The following NXPH1 variants were observed in gnomAD, a reference collection of about 807,000 sequenced individuals.
NXPH1 encodes neurexophilin-1.
A neutral mutation model predicts 23.7 loss-of-function variants in NXPH1; 5 were observed. That is an observed-to-expected ratio of 0.21 (90% CI 0.11 to 0.44). The LOEUF (loss-of-function observed/expected upper bound fraction) is 0.44. NXPH1 is among the 20% of genes least tolerant of loss of function. NXPH1 has a pLI of 0.99. For missense variants in NXPH1, 324 were observed against 321.6 expected, an observed-to-expected ratio of 1.01 and a Z score of -0.06; for synonymous variants, 144 against 122.2, an observed-to-expected ratio of 1.18 and a Z score of -1.18.
rs148389678 is a variant in NXPH1, at chr7:8,469,013, C to T, written c.54+33246C>T. ...ACAATCTTGTTTTTAACTGAATGCT[C>T]ATGTTGAAATTCTTATTTTTAATTC... On this transcript the variant is annotated intron_variant, in intron 2 of 2. Transcript: ENST00000405863. 3.7e-3 allele frequency among the ~76,000 whole-genome samples: 564 copies of T among 151,906 alleles called. 3 individuals are homozygous for T. The highest frequency in any genetic ancestry group is 0.013 in the African/African-American group (527 of 41,482).
At chr7:8,745,001 G>A (rs1562472832) in intron 2 of NXPH1, among the ~76,000 whole-genome samples, 1 of 152,108 alleles carries the variant, frequency 6.6e-6, no homozygotes, top group Non-Finnish European at 1.5e-5. Context: ...CTAGAGCCAG[G>A]ATGACCTACT....
At position 8,462,406 on chromosome 7, in the gene NXPH1, T is replaced by G. The variant is rs144355059; in HGVS notation, c.54+26639T>G. Among the ~76,000 whole-genome samples the G allele has an allele frequency of 7.2e-5, 11 of 152,380 alleles. No individual in the cohort carries two copies. In the East Asian group the frequency reaches 2.1e-3, roughly 29 times the overall value. On this transcript the variant is annotated intron_variant, in intron 2 of 2. Transcript: ENST00000405863. The stretch of plus-strand genomic sequence containing the variant: ...AAGAACATATATGTGCTAGGCACTT[T>G]ACAAATGTTAACTCATTTAATCTAG...
intron 2 of NXPH1, among the ~76,000 whole-genome samples, chr7:8,737,329 G>A (rs539666883): frequency 6.6e-6 from 1 of 152,240 alleles, no homozygotes; most frequent in East Asian, 1.9e-4. Flanking sequence ...AGGCCTGGTG[G>A]TGACAAGATA....
intron 2 of NXPH1, among the ~76,000 whole-genome samples, chr7:8,585,958 A>T (rs187323447): frequency 2.0e-5 from 3 of 152,222 alleles, no homozygotes; most frequent in East Asian, 1.9e-4. Flanking sequence ...ATATTTTTCC[A>T]TGGGAATGTT....
intron 2 of NXPH1, among the ~76,000 whole-genome samples, chr7:8,459,134 T>C (rs913247592): frequency 3.3e-5 from 5 of 152,018 alleles, no homozygotes; most frequent in African/African-American, 9.7e-5. Context: ...AATGAACATC[T>C]TGGGTTGTCT....
intron 2 of NXPH1, among the ~76,000 whole-genome samples, chr7:8,693,961 A>G (rs867702564): frequency 2.0e-5 from 3 of 152,206 alleles, no homozygotes; most frequent in Admixed American, 6.5e-5. Flanking sequence ...TAATCATCCA[A>G]TGTATAATTT....
chr7:8,713,149 C>G (rs535931494), intron 2 of NXPH1, among the ~76,000 whole-genome samples: 1 of 151,612 alleles, frequency 6.6e-6, no homozygotes, highest in African/African-American at 2.4e-5. Context: ...TTTCTTTTGT[C>G]TCCTCTGACT....
intron 2 of NXPH1, among the ~76,000 whole-genome samples, chr7:8,470,621 C>A (rs572795596): frequency 1.3e-5 from 2 of 152,246 alleles, no homozygotes; most frequent in South Asian, 2.1e-4. Context: ...CAGACCTTTA[C>A]TGGAAGTTCA....
rs1346161492 is a variant in NXPH1 at position 8,745,597 on chromosome 7, GGC to G, written c.55-5410_55-5409del. 3.3e-5 allele frequency among the ~76,000 whole-genome samples: 5 copies of G among 152,122 alleles called. No homozygotes were observed. In the East Asian group the frequency reaches 7.7e-4, roughly 23 times the overall value. Reference sequence around the variant, plus strand: ...GAAACAGAGTCTTGCTCTGTCGCCAGGCTGGAGTGCAGTGGTGCAATCTTGGC... The same window carrying G: ...GAAACAGAGTCTTGCTCTGTCGCCAGTGGAGTGCAGTGGTGCAATCTTGGC... On this transcript the variant is annotated intron_variant, in intron 2 of 2. Coordinates refer to ENST00000405863, the MANE Select transcript of NXPH1 (RefSeq NM_152745.3).
chr7:8,660,755 T>A (rs539465299), intron 2 of NXPH1, among the ~76,000 whole-genome samples: 26 of 152,300 alleles, frequency 1.7e-4, no homozygotes, highest in Middle Eastern at 3.4e-3. Context: ...TCACAATCTT[T>A]CCAATAATAG....
intron 2 of NXPH1, among the ~76,000 whole-genome samples, chr7:8,457,059 A>G (rs1393953672): frequency 6.6e-6 from 1 of 152,210 alleles, no homozygotes; most frequent in Non-Finnish European, 1.5e-5. Flanking sequence ...TATGCTTGAT[A>G]CGAGGGTTTT....
chr7:8,618,910 T>C (rs141997921), intron 2 of NXPH1, among the ~76,000 whole-genome samples: 49 of 152,328 alleles, frequency 3.2e-4, no homozygotes, highest in Admixed American at 9.2e-4. Flanking sequence ...ACCCAGTTTT[T>C]TTCTCTTTTG....
chr7:8,574,595 A>T (rs1458478357), intron 2 of NXPH1, among the ~76,000 whole-genome samples: 1 of 152,152 alleles, frequency 6.6e-6, no homozygotes, highest in African/African-American at 2.4e-5. Flanking sequence ...GCCAAACAAC[A>T]CCACAGGTTG....
intron 2 of NXPH1, among the ~76,000 whole-genome samples, chr7:8,637,099 G>A (rs1041973538): frequency 6.6e-6 from 1 of 152,172 alleles, no homozygotes; most frequent in African/African-American, 2.4e-5. Flanking sequence ...ACTGCCTATA[G>A]ACATGTGGTC....
intron 2 of NXPH1, among the ~76,000 whole-genome samples, chr7:8,583,541 C>T (rs1295403273): frequency 6.6e-6 from 1 of 152,080 alleles, no homozygotes; most frequent in African/African-American, 2.4e-5. Context: ...CCATTATTAC[C>T]CCCATCTTAC....
chr7:8,438,610 A>G (rs1816239905), intron 2 of NXPH1, among the ~76,000 whole-genome samples: 1 of 152,248 alleles, frequency 6.6e-6, no homozygotes, highest in Non-Finnish European at 1.5e-5. Flanking sequence ...CATTAAGTCC[A>G]TGAAACAAGA....
intron 2 of NXPH1, among the ~76,000 whole-genome samples, chr7:8,610,372 ATT>A (rs1819589852): frequency 6.6e-6 from 1 of 152,012 alleles, no homozygotes; most frequent in Admixed American, 6.6e-5. Context: ...TTTCCTTATA[ATT>A]TTCTGTCTAT....
chr7:8,628,011 T>C lies in NXPH1; in HGVS notation c.55-122997T>C, dbSNP rs188324948. ...GATGTCTAGACTGGGCAGGTTATCT[T>C]GGGTACGTATGAGAATAATTGCCAA... On this transcript the variant is annotated intron_variant, in intron 2 of 2. Transcript: ENST00000405863. 5.8e-4 allele frequency among the ~76,000 whole-genome samples: 88 copies of C among 152,240 alleles called. 1 individual carries two copies. In the East Asian group the frequency reaches 0.016, roughly 27 times the overall value.
chr7:8,521,333 T>G (rs1817768282), intron 2 of NXPH1, among the ~76,000 whole-genome samples: 1 of 152,130 alleles, frequency 6.6e-6, no homozygotes, highest in Admixed American at 6.6e-5. Flanking sequence ...CTACATCCAG[T>G]TTTCCTATTC....
Sources: allele counts gnomAD v4.1 joint callset (sites outside exome capture counted in the v4.1 genomes callset), GRCh38; gene constraint gnomAD v4.1.1; transcripts MANE v1.5; gene names NCBI Gene and HGNC (gene_info 2026-07-23, HGNC 2026-07-21).